ANKRD11: variants seen among roughly 807,000 people sequenced by gnomAD.
ANKRD11 encodes ankyrin repeat domain-containing protein 11.
Under a neutral mutation model 195.7 loss-of-function variants are expected in ANKRD11, and 17 were observed. That is an observed-to-expected ratio of 0.09 (90% CI 0.06 to 0.13). The LOEUF is 0.13. ANKRD11 is among the 10% of genes least tolerant of loss of function. ANKRD11 has a pLI of 1.00. For missense variants in ANKRD11, 3,735 were observed against 3,566.1 expected, an observed-to-expected ratio of 1.05 and a Z score of -1.21; for synonymous variants, 1,953 against 1,528.1, an observed-to-expected ratio of 1.28 and a Z score of -6.49.
intron 2 of ANKRD11, among the ~76,000 whole-genome samples, chr16:89,404,507 G>T (rs920958420): frequency 3.3e-5 from 5 of 152,198 alleles, no homozygotes; most frequent in African/African-American, 1.2e-4. Context: ...TCCAGAAAAT[G>T]AGCCAACAGT....
chr16:89,346,511 A>G (rs980094845), intron 2 of ANKRD11, among the ~76,000 whole-genome samples: 4 of 152,248 alleles, frequency 2.6e-5, no homozygotes, highest in African/African-American at 9.6e-5. Context: ...TTGATCACAC[A>G]GACAACTACA....
At chr16:89,362,668 G>C (rs1434098892) in intron 2 of ANKRD11, among the ~76,000 whole-genome samples, 1 of 152,220 alleles carries the variant, frequency 6.6e-6, no homozygotes, top group Non-Finnish European at 1.5e-5. Flanking sequence ...ATATCTGCTA[G>C]CCTTAATAAA....
At chr16:89,418,595 C>T (rs2042392092) in intron 1 of ANKRD11, 2 of 198,912 alleles carry the variant, frequency 1.0e-5, no homozygotes, top group South Asian at 7.7e-5. Flanking sequence ...AAGGTAAATC[C>T]AAAGTCCAGC....
intron 2 of ANKRD11, chr16:89,323,315 A>C: frequency 7.8e-7 from 1 of 1,288,934 alleles, no homozygotes; most frequent in Non-Finnish European, 1.0e-6. Context: ...TATGACCCAC[A>C]GCACTGTGGC....
At position 89,298,966 on chromosome 16, in the gene ANKRD11, C is replaced by G. The variant is rs77824337; in HGVS notation, c.226+6240G>C. The G allele has an allele frequency of 0.025, 3,826 of 152,426 alleles. 287 individuals carry two copies. The East Asian group carries it at 0.26, about 11-fold the overall frequency. 9.4% of individuals were successfully genotyped at this position (152,426 alleles called of 1,614,324 possible). On this transcript the variant is annotated intron_variant, in intron 4 of 12. Transcript: ENST00000301030. The stretch of plus-strand genomic sequence containing the variant: ...AACCCCAGAATCCTCACTGCGGCAA[C>G]AAGACCTGGCCACCACCCTCACCTC...
intron 3 of ANKRD11, among the ~76,000 whole-genome samples, chr16:89,305,725 TCCGCAGACACGCGCCACCTACC>T (rs2036168578): frequency 8.0e-5 from 3 of 37,438 alleles, no homozygotes; most frequent in East Asian, 1.7e-3. Flanking sequence ...CACCTCCCAC[TCCGCAGACACGCGCCACCTACC>T]TCCCACTCCG....
intron 9 of ANKRD11, chr16:89,278,663 A>T (rs2033875649): frequency 2.2e-6 from 1 of 463,068 alleles, no homozygotes; most frequent in Non-Finnish European, 4.3e-6. Context: ...GGCTCAGGGA[A>T]CCCACGCGGG....
chr16:89,315,241 A>G (rs144288083), intron 3 of ANKRD11, among the ~76,000 whole-genome samples: 2 of 152,140 alleles, frequency 1.3e-5, no homozygotes, highest in South Asian at 4.1e-4. Context: ...CTGTATGCAA[A>G]GTATTCTGCA....
intron 1 of ANKRD11, among the ~76,000 whole-genome samples, chr16:89,473,001 G>A (rs998091614): frequency 6.6e-6 from 1 of 152,018 alleles, no homozygotes; most frequent in African/African-American, 2.4e-5. Flanking sequence ...GACCAGCCTG[G>A]GCAACACAGT....
chr16:89,296,976 G>A (rs1222900429), intron 4 of ANKRD11, among the ~76,000 whole-genome samples: 20 of 152,180 alleles, frequency 1.3e-4, no homozygotes, highest in Non-Finnish European at 1.5e-5. Flanking sequence ...TACCCTGATA[G>A]CCCAGTGTCC....
chr16:89,290,698 G>A lies in ANKRD11; in HGVS notation c.528C>T (p.Ala176=). ...ERGETRLHRA[A]IRGDARRIKE... is the part of the protein sequence containing the mutation. ...TGATGCGCCGGGCGTCCCCGCGGAT[G>A]GCGGCTCGGTGCAGGCGGGTCTCTC... The change falls in exon 6 of 13, where the codon GCC becomes GCT. Residue 176 remains alanine, a synonymous_variant. Coordinates refer to ENST00000301030, the MANE Select transcript of ANKRD11 (RefSeq NM_013275.6). 1 of 1,614,108 alleles carries A rather than the reference G, an allele frequency of 6.2e-7. No individual in the cohort carries two copies. Among genetic ancestry groups the A allele is most frequent in the South Asian group, 1.1e-5 (1 of 91,092 alleles).
At chr16:89,477,307 C>A (rs1327335139) in intron 1 of ANKRD11, among the ~76,000 whole-genome samples, 1 of 152,000 alleles carries the variant, frequency 6.6e-6, no homozygotes, top group Non-Finnish European at 1.5e-5. Flanking sequence ...ATTCTCCTGC[C>A]TCAGCCTCCT....
intron 12 of ANKRD11, chr16:89,270,563 C>T (rs1039241139): frequency 2.4e-5 from 13 of 533,808 alleles, no homozygotes; most frequent in African/African-American, 2.3e-4. Context: ...AGCCTAGGGT[C>T]CTGTTGAGCT....
chr16:89,346,135 G>A (rs1049384005), intron 2 of ANKRD11, among the ~76,000 whole-genome samples: 1 of 151,362 alleles, frequency 6.6e-6, no homozygotes, highest in African/African-American at 2.4e-5. Context: ...TGTAATCCCA[G>A]CTACTCGGGA....
intron 3 of ANKRD11, chr16:89,313,637 G>A: frequency 4.7e-6 from 6 of 1,277,804 alleles, no homozygotes; most frequent in Non-Finnish European, 5.1e-6. Flanking sequence ...CTGGAGAAAA[G>A]GGAGTTTATG....
chr16:89,370,051 C>T (rs2040126608), intron 2 of ANKRD11, among the ~76,000 whole-genome samples: 1 of 152,358 alleles, frequency 6.6e-6, no homozygotes, highest in South Asian at 2.1e-4. Context: ...AGAACGCAAA[C>T]CTTCTGGCTT....
At position 89,280,207 on chromosome 16, in the gene ANKRD11, A is replaced by G; in HGVS notation, c.6335T>C (p.Leu2112Pro). ...FLDGSRGLSH[L>P]GQVEPVPWAD... ...CCAGGGCACCGGCTCCACCTGGCCG[A>G]GGTGAGACAGGCCGCGGCTGCCGTC... Residue 2112 changes from leucine to proline, a missense_variant, in exon 9 of 13, where the codon CTC becomes CCC. By Grantham distance (98) the Leu-to-Pro change is moderately conservative. Transcript: ENST00000301030. The G allele has an allele frequency of 6.2e-7, 1 of 1,608,268 alleles. No individual in the cohort carries two copies. The highest frequency in any genetic ancestry group is 8.5e-7 in the Non-Finnish European group (1 of 1,179,204).
At chr16:89,321,198 T>C (rs1392487091) in intron 2 of ANKRD11, 2 of 152,340 alleles carry the variant, frequency 1.3e-5, no homozygotes, top group African/African-American at 4.8e-5. Context: ...TTAAGCCTGA[T>C]GCAGAAGTGG....
At chr16:89,396,307 G>C (rs1189952432) in intron 2 of ANKRD11, among the ~76,000 whole-genome samples, 1 of 149,068 alleles carries the variant, frequency 6.7e-6, no homozygotes, top group Non-Finnish European at 1.5e-5. Flanking sequence ...GGTGCACACT[G>C]TGTGCTGACC....
Sources: allele counts gnomAD v4.1 joint callset (sites outside exome capture counted in the v4.1 genomes callset), GRCh38; gene constraint gnomAD v4.1.1; transcripts MANE v1.5; gene names NCBI Gene and HGNC (gene_info 2026-07-23, HGNC 2026-07-21).